SRF: variants seen among roughly 807,000 people sequenced by gnomAD.
SRF encodes the protein serum response factor.
In SRF, 7 loss-of-function variants were observed where a neutral mutation model predicts 37.1. The ratio of observed to expected loss-of-function variants is 0.19; its 90% CI spans 0.11 to 0.35. The LOEUF is 0.35. Ranked by LOEUF, SRF falls within the 10% of genes least tolerant of loss-of-function variation. The pLI is 1.00. For missense variants in SRF, 395 were observed against 694.4 expected (o/e 0.57, Z 4.85); for synonymous variants, 285 against 310.1 (o/e 0.92, Z 0.85).
At chr6:43,177,690 C>A (rs1220456555) in intron 4 of SRF, among the ~76,000 whole-genome samples, 2 of 150,942 alleles carry the variant, frequency 1.3e-5, no homozygotes, top group Non-Finnish European at 3.0e-5. Context: ...CCGAGGGGGG[C>A]AGATCACGAG....
At chr6:43,175,637 T>A in intron 2 of SRF, 69 bp from the exon 3 acceptor site, 1 of 1,594,150 alleles carries the variant, frequency 6.3e-7, no homozygotes. Flanking sequence ...GGGTTCTCAG[T>A]CCACACAAAG....
At position 43,176,580 on chromosome 6, in the gene SRF, G is replaced by A. The variant is rs149812713; in HGVS notation, c.1075G>A (p.Ala359Thr). 6.2e-7 allele frequency: 1 copy of A among 1,614,012 alleles called. No individual in the cohort carries two copies. The highest frequency in any genetic ancestry group is 8.5e-7 in the Non-Finnish European group (1 of 1,180,010). The change falls in exon 4 of 7, where the codon GCC becomes ACC. Residue 359 changes from alanine to threonine, a missense_variant. By Grantham distance (58) the Ala-to-Thr change is moderately conservative (BLOSUM62 0). Coordinates refer to ENST00000265354, the MANE Select transcript of SRF (RefSeq NM_003131.4). The surrounding 1 kb of genome is among the most constrained non-coding windows in gnomAD (Gnocchi z 4.0). ...GAVAQQVPVQ[A>T]IQVHQAPQQA... ...AGTGGCCCAGCAGGTCCCAGTGCAG[G>A]CCATTCAAGTGCACCAGGCCCCACA...
In SRF at chr6:43,179,347, A is replaced by G; in HGVS notation, c.*157A>G. 2.8e-6 allele frequency: 2 copies of G among 721,752 alleles called. No homozygotes were observed. The highest frequency in any genetic ancestry group is 4.7e-6 in the Non-Finnish European group (2 of 427,774). The allele number at this position is 721,752 out of a possible 1,614,324, so 44.7% of individuals were successfully genotyped here. A position where few individuals can be genotyped will look rare whatever the true frequency, so the allele number is the denominator to read the frequency against. On this transcript the variant is annotated 3_prime_UTR_variant, in exon 7 of 7. Transcript: ENST00000265354. The surrounding 1 kb of genome is among the most constrained non-coding windows in gnomAD (Gnocchi z 5.3). ...GACTGAGCCCTCTCACTCCAGCCAA[A>G]GAAATGGGCCTGCCTGCCTCCACCC...
At position 43,171,506 on chromosome 6, in the gene SRF, C is replaced by CT. The variant is rs1772095353; in HGVS notation, c.-151_-150insT. The stretch of plus-strand genomic sequence containing the variant: ...GAGGGCCCAGGTCGGCCCGGGCGTG[C>CT]AGGGGCCCCGGGTTCGCAGCGGCGG... On this transcript the variant is annotated 5_prime_UTR_variant, in exon 1 of 7. Transcript: ENST00000265354. This position sits in a 1 kb window ranked among gnomAD's most constrained non-coding sequence, Gnocchi z 6.5. The CT allele has an allele frequency of 2.3e-6, 2 of 879,940 alleles. No individual in the cohort carries two copies. Among genetic ancestry groups the CT allele is most frequent in the Non-Finnish European group, 2.9e-6 (2 of 683,834 alleles). 54.5% of individuals were successfully genotyped at this position (879,940 alleles called of 1,614,324 possible). A position where few individuals can be genotyped will look rare whatever the true frequency, so the allele number is the denominator to read the frequency against.
rs756600547 is a variant in SRF, at chr6:43,172,046, G to A, written c.390G>A (p.Ala130=). 8.7e-6 allele frequency: 14 copies of A among 1,604,402 alleles called. No homozygotes were observed. Among genetic ancestry groups the A allele is most frequent in the Admixed American group, 1.7e-5 (1 of 58,774 alleles). Residue 130 remains alanine, a synonymous_variant, in exon 1 of 7, where the codon GCG becomes GCA. Transcript: ENST00000265354. The surrounding 1 kb of genome is among the most constrained non-coding windows in gnomAD (Gnocchi z 5.7). ...GGGGCTACGGGCCGGTGAGCGGCGC[G>A]GTGAGCGGGGCCAAGCCGGGTAAGA... ...ATGGYGPVSG[A]VSGAKPGKKT...
At position 43,172,535 on chromosome 6, in the gene SRF, G is replaced by C. The variant is rs532931511; in HGVS notation, c.513+366G>C. On this transcript the variant is annotated intron_variant, in intron 1 of 6. Coordinates refer to ENST00000265354, the MANE Select transcript of SRF (RefSeq NM_003131.4). This position sits in a 1 kb window ranked among gnomAD's most constrained non-coding sequence, Gnocchi z 5.7. ...GGATCAGTAGGTCCAGTGCACTCCGGTGTTCGGACGAGGGCGCCGGAAAAG... is the reference window on the plus strand; with the variant it reads ...GGATCAGTAGGTCCAGTGCACTCCGCTGTTCGGACGAGGGCGCCGGAAAAG... The C allele has an allele frequency of 1.1e-6, 1 of 908,088 alleles. No homozygotes were observed. Among genetic ancestry groups the C allele is most frequent in the South Asian group, 5.0e-5 (1 of 19,846 alleles). 56.3% of individuals were successfully genotyped at this position (908,088 alleles called of 1,614,324 possible). A position where few individuals can be genotyped will look rare whatever the true frequency, so the allele number is the denominator to read the frequency against.
intron 2 of SRF, among the ~76,000 whole-genome samples, chr6:43,175,022 A>C (rs998590910): frequency 1.3e-5 from 2 of 152,148 alleles, no homozygotes; most frequent in Admixed American, 6.6e-5. Context: ...TTCCCAGGAA[A>C]TTTTGTTGGA....
Position 43,176,078 on chromosome 6 carries a change from G to A in SRF, c.1042+111G>A. On this transcript the variant is annotated intron_variant, in intron 3 of 6. Transcript: ENST00000265354. This position sits in a 1 kb window ranked among gnomAD's most constrained non-coding sequence, Gnocchi z 4.0. ...AACCTCTTTCCCTGCTCAGAAGGAA[G>A]GTGAATAGGGGCCAGAGCCTGAGCG... 1 of 1,429,216 alleles carries A rather than the reference G, an allele frequency of 7.0e-7. No individual in the cohort carries two copies. Among genetic ancestry groups the A allele is most frequent in the Non-Finnish European group, 9.4e-7 (1 of 1,065,976 alleles). The allele number at this position is 1,429,216 out of a possible 1,614,324, so 88.5% of individuals were successfully genotyped here.
rs1582257580 is a variant in SRF at position 43,179,047 on chromosome 6, A to C, written c.1432-48A>C. 3.7e-6 allele frequency: 6 copies of C among 1,605,682 alleles called. No homozygotes were observed. The highest frequency in any genetic ancestry group is 5.1e-6 in the Non-Finnish European group (6 of 1,172,962). On this transcript the variant is annotated intron_variant, in intron 6 of 6. Transcript: ENST00000265354. The surrounding 1 kb of genome is among the most constrained non-coding windows in gnomAD (Gnocchi z 5.3). ...AGGCAGGGAAGCCAGGGGAGCCTGAACTGGCTGGCCAGTCCCTGCCCCTCC... is the reference window on the plus strand; with the variant it reads ...AGGCAGGGAAGCCAGGGGAGCCTGACCTGGCTGGCCAGTCCCTGCCCCTCC...
rs937640191 is a variant in SRF at position 43,172,256 on chromosome 6, C to A, written c.513+87C>A. Reference sequence around the variant, plus strand: ...GCCCGGGAGGACCGCAGAGCCGAGGCGGAGGTGAGAGGCTGCGAGTCCGCA... The same window carrying A: ...GCCCGGGAGGACCGCAGAGCCGAGGAGGAGGTGAGAGGCTGCGAGTCCGCA... On this transcript the variant is annotated intron_variant, in intron 1 of 6. Transcript: ENST00000265354. The surrounding 1 kb of genome is among the most constrained non-coding windows in gnomAD (Gnocchi z 5.7). 2.7e-6 allele frequency: 4 copies of A among 1,474,582 alleles called. No homozygotes were observed. Among genetic ancestry groups the A allele is most frequent in the Admixed American group, 2.1e-5 (1 of 46,542 alleles). The allele number at this position is 1,474,582 out of a possible 1,614,324, so 91.3% of individuals were successfully genotyped here.
rs1772339765 is a variant in SRF at position 43,181,460 on chromosome 6, T to G, written c.*2270T>G. 6.6e-6 allele frequency: 1 copy of G among 152,406 alleles called. No homozygotes were observed. Among genetic ancestry groups the G allele is most frequent in the East Asian group, 1.9e-4 (1 of 5,186 alleles). The allele number at this position is 152,406 out of a possible 1,614,324, so 9.4% of individuals were successfully genotyped here. ...CCTATGTACAGAGCTTTCTTTTGTA[T>G]TAAAAAAAAATACTCTTTCAATAAA... On this transcript the variant is annotated 3_prime_UTR_variant, in exon 7 of 7. Coordinates refer to ENST00000265354, the MANE Select transcript of SRF (RefSeq NM_003131.4).
At position 43,178,266 on chromosome 6, in the gene SRF, C is replaced by T. The variant is rs757730577; in HGVS notation, c.1163-28C>T. The T allele has an allele frequency of 7.0e-6, 11 of 1,571,896 alleles. No homozygotes were observed. Among genetic ancestry groups the T allele is most frequent in the East Asian group, 4.5e-5 (2 of 44,056 alleles). Reference sequence around the variant, plus strand: ...GGGAGTTATCAGTGGGGACCAGTGCCGAGCTGACACATGTCTGTGTTTGCC... The same window carrying T: ...GGGAGTTATCAGTGGGGACCAGTGCTGAGCTGACACATGTCTGTGTTTGCC... On this transcript the variant is annotated intron_variant, in intron 4 of 6. Transcript: ENST00000265354. This position sits in a 1 kb window ranked among gnomAD's most constrained non-coding sequence, Gnocchi z 4.3.
intron 4 of SRF, among the ~76,000 whole-genome samples, chr6:43,177,125 T>C (rs975758152): frequency 6.6e-6 from 1 of 152,228 alleles, no homozygotes; most frequent in African/African-American, 2.4e-5. Context: ...ATAACCTTTT[T>C]ACTCAAAGTG....
Position 43,173,193 on chromosome 6 carries a change from C to T in SRF, c.514-654C>T, listed in dbSNP as rs1355966987. On this transcript the variant is annotated intron_variant, in intron 1 of 6. Transcript: ENST00000265354. The surrounding 1 kb of genome is among the most constrained non-coding windows in gnomAD (Gnocchi z 4.2). ...TGTTTAGTGCTAATCTAGGTCTCGT[C>T]TCCCATCACTCCAGACACTGTTGTA... Among the ~76,000 whole-genome samples the T allele has an allele frequency of 6.6e-6, 1 of 152,180 alleles. No homozygotes were observed. Among genetic ancestry groups the T allele is most frequent in the Non-Finnish European group, 1.5e-5 (1 of 68,024 alleles).
At position 43,173,697 on chromosome 6, in the gene SRF, G is replaced by T; in HGVS notation, c.514-150G>T. ...TAGTTTTGCTGCTTCCAGAGATCCT[G>T]ATAGGACACCCTGCCCTCAGAGTCA... On this transcript the variant is annotated intron_variant, in intron 1 of 6. Coordinates refer to ENST00000265354, the MANE Select transcript of SRF (RefSeq NM_003131.4). The surrounding 1 kb of genome is among the most constrained non-coding windows in gnomAD (Gnocchi z 4.2). The T allele has an allele frequency of 3.7e-6, 4 of 1,084,322 alleles. No individual in the cohort carries two copies. The highest frequency in any genetic ancestry group is 3.9e-6 in the Non-Finnish European group (3 of 774,324). The allele number at this position is 1,084,322 out of a possible 1,614,324, so 67.2% of individuals were successfully genotyped here.
In SRF at chr6:43,172,330, A is replaced by G. The variant is rs1238567394; in HGVS notation, c.513+161A>G. ...TCCTGCCCGGGGAGGGCCGAAGGGG[A>G]GGGGCCGCCGGGGAAATGTGGGGAG... is the stretch of plus-strand genomic sequence containing the variant. On this transcript the variant is annotated intron_variant, in intron 1 of 6. Coordinates refer to ENST00000265354, the MANE Select transcript of SRF (RefSeq NM_003131.4). This position sits in a 1 kb window ranked among gnomAD's most constrained non-coding sequence, Gnocchi z 5.7. 1.0e-6 allele frequency: 1 copy of G among 977,398 alleles called. No individual in the cohort carries two copies. 60.5% of individuals were successfully genotyped at this position (977,398 alleles called of 1,614,324 possible).
Position 43,179,299 on chromosome 6 carries a change from G to A in SRF, c.*109G>A. ...TTGACGGGCCGCAGGAGGGAGGCGG[G>A]GAGGAGGAACGGGCAGCCACAGGAC... On this transcript the variant is annotated 3_prime_UTR_variant, in exon 7 of 7. Coordinates refer to ENST00000265354, the MANE Select transcript of SRF (RefSeq NM_003131.4). This position sits in a 1 kb window ranked among gnomAD's most constrained non-coding sequence, Gnocchi z 5.3. The A allele has an allele frequency of 1.6e-6, 2 of 1,221,632 alleles. No individual in the cohort carries two copies. Among genetic ancestry groups the A allele is most frequent in the Non-Finnish European group, 2.3e-6 (2 of 855,506 alleles). 75.7% of individuals were successfully genotyped at this position (1,221,632 alleles called of 1,614,324 possible).
In SRF at chr6:43,172,064, G is replaced by T; in HGVS notation, c.408G>T (p.Pro136=). 1 of 1,610,312 alleles carries T rather than the reference G, an allele frequency of 6.2e-7. No individual in the cohort carries two copies. The highest frequency in any genetic ancestry group is 1.1e-5 in the South Asian group (1 of 90,924). The change falls in exon 1 of 7, where the codon CCG becomes CCT. Residue 136 remains proline, a synonymous_variant. Coordinates refer to ENST00000265354, the MANE Select transcript of SRF (RefSeq NM_003131.4). The surrounding 1 kb of genome is among the most constrained non-coding windows in gnomAD (Gnocchi z 5.7). ...GCGGCGCGGTGAGCGGGGCCAAGCC[G>T]GGTAAGAAGACCCGGGGCCGCGTGA... ...PVSGAVSGAK[P]GKKTRGRVKI...
intron 2 of SRF, among the ~76,000 whole-genome samples, 190 bp downstream of exon 2, chr6:43,174,303 C>G (rs1282732002): frequency 6.6e-6 from 1 of 152,186 alleles, no homozygotes; most frequent in Non-Finnish European, 1.5e-5. Flanking sequence ...GGGCGGCCTC[C>G]GTGCCCATAT....
Sources: allele counts gnomAD v4.1 joint callset (sites outside exome capture counted in the v4.1 genomes callset), GRCh38; gene constraint gnomAD v4.1.1; non-coding constraint Gnocchi (gnomAD v3.1); transcripts MANE v1.5; gene names NCBI Gene and HGNC (gene_info 2026-07-23, HGNC 2026-07-21).